Variants in CDHR3 observed in about 807,000 individuals in gnomAD.
CDHR3 encodes cadherin-related family member 3.
In CDHR3, 79 loss-of-function variants were observed where a neutral mutation model predicts 86.6. The ratio of observed to expected loss-of-function variants is 0.91; its 90% CI spans 0.76 to 1.10. CDHR3 has a LOEUF of 1.10. CDHR3 is among the 50% of genes least tolerant of loss of function. The probability of loss-of-function intolerance (pLI) is 0.00; values close to 1 mark genes in which losing one functional copy is unlikely to be tolerated. For synonymous variants in CDHR3, 421 were observed against 402.4 expected (o/e 1.05, Z -0.55); for missense variants, 1,081 against 1,077.6 (o/e 1.00, Z -0.04).
At chr7:106,011,441 C>G (rs899240271) in intron 8 of CDHR3, among the ~76,000 whole-genome samples, 1 of 151,954 alleles carries the variant, frequency 6.6e-6, no homozygotes, top group African/African-American at 2.4e-5. Flanking sequence ...AAGATGAGGA[C>G]AAGAAGAAGC....
At chr7:105,984,821 T>A (rs1258145034) in intron 4 of CDHR3, among the ~76,000 whole-genome samples, 1 of 152,028 alleles carries the variant, frequency 6.6e-6, no homozygotes, top group East Asian at 1.9e-4. Context: ...ATGCCTGTAA[T>A]CCCAAGATAG....
At chr7:106,004,974 G>A in intron 8 of CDHR3, 1 of 424,978 alleles carries the variant, frequency 2.4e-6, no homozygotes, top group Non-Finnish European at 4.2e-6. Flanking sequence ...CTCTGTTGGT[G>A]AAAAGGACCA....
intron 3 of CDHR3, 147 bp downstream of exon 3, chr7:105,981,280 G>A (rs1585558858): frequency 6.6e-6 from 5 of 752,808 alleles, no homozygotes; most frequent in East Asian, 5.5e-5. Flanking sequence ...TAAATGAAAT[G>A]TCCTCCAGCT....
In CDHR3 at chr7:106,015,831, G is replaced by A. The variant is rs537181490; in HGVS notation, c.1328-96G>A. On this transcript the variant is annotated intron_variant, in intron 10 of 18. Transcript: ENST00000317716. ...CTTAGCCACCTGGTATCCCCTATGC[G>A]CAAAGCCTGTACACAGGAGATTCTT... The A allele has an allele frequency of 9.3e-5, 86 of 926,214 alleles. 1 individual carries two copies. The Middle Eastern group carries it at 1.5e-3, about 16-fold the overall frequency. The allele number at this position is 926,214 out of a possible 1,614,324, so 57.4% of individuals were successfully genotyped here. A position where few individuals can be genotyped will look rare whatever the true frequency, so the allele number is the denominator to read the frequency against.
chr7:106,017,909 A>T lies in CDHR3; in HGVS notation c.1490A>T (p.Tyr497Phe). The T allele has an allele frequency of 6.2e-7, 1 of 1,609,486 alleles. No homozygotes were observed. Among genetic ancestry groups the T allele is most frequent in the East Asian group, 2.2e-5 (1 of 44,734 alleles). Residue 497 changes from tyrosine (Y) to phenylalanine (F), a missense_variant, in exon 12 of 19, where the codon TAC (tyrosine) becomes TTC (phenylalanine). Coordinates refer to ENST00000317716, the MANE Select transcript of CDHR3 (RefSeq NM_152750.5). ...GACCTCCCCCAGAGCAGCCTCCTGTACTCCATCTCCACTGGAGGGGCCAGC... is the reference window on the plus strand; with the variant it reads ...GACCTCCCCCAGAGCAGCCTCCTGTTCTCCATCTCCACTGGAGGGGCCAGC... ...DKDLPQSSLLYSISTGGASLQ... is the reference protein window; with the variant it reads ...DKDLPQSSLLFSISTGGASLQ...
intron 2 of CDHR3, among the ~76,000 whole-genome samples, chr7:105,976,034 CG>C (rs1278668067): frequency 6.6e-6 from 1 of 152,126 alleles, no homozygotes; most frequent in Admixed American, 6.5e-5. Context: ...GGGGAGCCCT[CG>C]GGGAGGTAAG....
chr7:106,022,522 C>T, intron 14 of CDHR3, 74 bp downstream of exon 14: 1 of 1,561,450 alleles, frequency 6.4e-7, no homozygotes. Flanking sequence ...TTTCCCCGGC[C>T]TGGAGGTATG....
chr7:105,999,731 C>T (rs908723042), intron 6 of CDHR3, among the ~76,000 whole-genome samples: 2 of 152,088 alleles, frequency 1.3e-5, no homozygotes, highest in Non-Finnish European at 2.9e-5. Context: ...ATCATCCTTC[C>T]GAAACATTAA....
chr7:105,986,016 A>T (rs560853086), intron 4 of CDHR3, among the ~76,000 whole-genome samples: 5 of 151,954 alleles, frequency 3.3e-5, no homozygotes, highest in African/African-American at 1.2e-4. Flanking sequence ...TCTTTTTCTC[A>T]CCTCATGATT....
chr7:106,002,057 T>C (rs920194748), intron 7 of CDHR3, among the ~76,000 whole-genome samples: 7 of 152,164 alleles, frequency 4.6e-5, no homozygotes, highest in Admixed American at 2.0e-4. Context: ...GGGGTCATCA[T>C]TGGTTACCAA....
intron 2 of CDHR3, among the ~76,000 whole-genome samples, chr7:105,979,745 T>G (rs1054930110): frequency 6.6e-6 from 1 of 152,214 alleles, no homozygotes; most frequent in Non-Finnish European, 1.5e-5. Flanking sequence ...CACAGCAAGA[T>G]GCTGAGTGTC....
intron 2 of CDHR3, among the ~76,000 whole-genome samples, chr7:105,976,715 C>T (rs530005168): frequency 6.6e-6 from 1 of 152,272 alleles, no homozygotes; most frequent in Non-Finnish European, 1.5e-5. Context: ...AGTATGTGGT[C>T]TTTAATGACT....
At position 105,994,844 on chromosome 7, in the gene CDHR3, A is replaced by C; in HGVS notation, c.607A>C (p.Ser203Arg). The change falls in exon 5 of 19, where the codon AGT becomes CGT. Residue 203 changes from serine (S) to arginine (R), a missense_variant and splice_region_variant. By Grantham distance (110) the Ser-to-Arg change is moderately radical (BLOSUM62 -1). Transcript: ENST00000317716. ...ATTGGACTTTGAAGCAGGACACAGA[A>C]GGTAGTCTTGCTATTGACCTTGCAT... is the stretch of plus-strand genomic sequence containing the variant. ...TELDFEAGHR[S>R]FHLIVEVRDS... is the part of the protein sequence containing the mutation. The C allele has an allele frequency of 1.2e-6, 2 of 1,603,000 alleles. No homozygotes were observed. Among genetic ancestry groups the C allele is most frequent in the South Asian group, 2.2e-5 (2 of 89,038 alleles).
At chr7:106,003,364 AG>A (rs947201765) in intron 7 of CDHR3, among the ~76,000 whole-genome samples, 3 of 152,148 alleles carry the variant, frequency 2.0e-5, no homozygotes, top group African/African-American at 7.2e-5. Flanking sequence ...ATATCTCTGA[AG>A]GGGACTTCTC....
chr7:106,028,455 G>T, intron 16 of CDHR3, 96 bp from the exon 17 acceptor site: 1 of 1,313,274 alleles, frequency 7.6e-7, no homozygotes. Context: ...GACTGAGATC[G>T]AAGCCTATTT....
At chr7:105,971,565 T>A (rs1016256119) in intron 1 of CDHR3, among the ~76,000 whole-genome samples, 6 of 152,212 alleles carry the variant, frequency 3.9e-5, no homozygotes, top group African/African-American at 1.4e-4. Context: ...GGATCTTTCA[T>A]GGAATTAGTC....
chr7:105,993,218 G>T (rs931679067), intron 4 of CDHR3, among the ~76,000 whole-genome samples: 2 of 152,330 alleles, frequency 1.3e-5, no homozygotes, highest in East Asian at 3.9e-4. Flanking sequence ...CCCTTTGGAA[G>T]AAATGAATAT....
chr7:105,969,397 CAAAA>C (rs760242300), intron 1 of CDHR3, among the ~76,000 whole-genome samples: 2 of 79,810 alleles, frequency 2.5e-5, no homozygotes, highest in Admixed American at 1.5e-4. Context: ...GACTCCGTCT[CAAAA>C]AAAAAAAAAA....
intron 16 of CDHR3, among the ~76,000 whole-genome samples, chr7:106,028,088 G>A (rs1837638636): frequency 6.6e-6 from 1 of 151,316 alleles, no homozygotes; most frequent in Non-Finnish European, 1.5e-5. Context: ...CCGCACTCTA[G>A]CCTGGACGAC....
Sources: gnomAD v4.1 joint callset for allele counts (sites outside exome capture counted in the v4.1 genomes callset) on GRCh38, gnomAD v4.1.1 for gene constraint, MANE v1.5 for transcripts, NCBI Gene and HGNC (gene_info 2026-07-23, HGNC 2026-07-21) for gene names.